The following ITGA2 variants were observed in gnomAD, a reference collection of about 807,000 sequenced individuals.
ITGA2 encodes integrin subunit alpha 2.
ITGA2 carries 101 observed loss-of-function variants against 146.3 expected under a neutral mutation model. The observed-to-expected ratio is 0.69, with a 90% CI of 0.59 to 0.81. The LOEUF (loss-of-function observed/expected upper bound fraction) is 0.81, where lower values mean the gene tolerates loss of function less well. ITGA2 is among the 40% of genes least tolerant of loss of function. ITGA2 has a pLI of 0.00. For synonymous variants in ITGA2, 477 were observed against 487.1 expected, an observed-to-expected ratio of 0.98 and a Z score of 0.27; for missense variants, 1,281 against 1,402.7, an observed-to-expected ratio of 0.91 and a Z score of 1.39.
At chr5:53,050,892 C>T (rs1392664448) in intron 6 of ITGA2, among the ~76,000 whole-genome samples, 1 of 152,160 alleles carries the variant, frequency 6.6e-6, no homozygotes, top group Non-Finnish European at 1.5e-5. Context: ...AAATTCAGCA[C>T]AATAAATAGA....
intron 1 of ITGA2, among the ~76,000 whole-genome samples, chr5:52,997,892 G>A (rs1382823623): frequency 6.6e-6 from 1 of 152,140 alleles, no homozygotes; most frequent in East Asian, 1.9e-4. Context: ...TATGGTGGAA[G>A]AGGGGAAGGA....
intron 9 of ITGA2, among the ~76,000 whole-genome samples, chr5:53,057,114 G>A (rs540984760): frequency 1.3e-5 from 2 of 151,978 alleles, no homozygotes; most frequent in South Asian, 4.1e-4. Flanking sequence ...AAATCACTAG[G>A]CTATCCACAC....
intron 1 of ITGA2, among the ~76,000 whole-genome samples, chr5:53,016,148 A>G (rs1579801897): frequency 6.6e-6 from 1 of 152,174 alleles, no homozygotes; most frequent in East Asian, 1.9e-4. Flanking sequence ...ATTGTTATAC[A>G]GACTTGATTG....
chr5:53,041,151 C>T (rs186341542), intron 2 of ITGA2, among the ~76,000 whole-genome samples: 3 of 152,160 alleles, frequency 2.0e-5, no homozygotes, highest in East Asian at 1.9e-4. Flanking sequence ...AATATGCTTC[C>T]GTATTAATTG....
Position 53,065,930 on chromosome 5 carries a change from C to T in ITGA2, c.1896C>T (p.Ser632=). 4 of 1,612,064 alleles carry T rather than the reference C, an allele frequency of 2.5e-6. No homozygotes were observed. Among genetic ancestry groups the T allele is most frequent in the Non-Finnish European group, 3.4e-6 (4 of 1,178,736 alleles). ...LDGYGDLNGD[S]ITDVSIGAFG... ...GCTATGGAGATTTAAATGGGGATTC[C>T]ATCACCGATGTGTCTATTGGTGCCT... Residue 632 remains serine (S), a synonymous_variant, in exon 15 of 30, where the codon TCC becomes TCT. Coordinates refer to ENST00000296585, the MANE Select transcript of ITGA2 (RefSeq NM_002203.4).
At chr5:53,049,589 A>G (rs1319993280) in intron 6 of ITGA2, among the ~76,000 whole-genome samples, 2 of 152,160 alleles carry the variant, frequency 1.3e-5, no homozygotes, top group African/African-American at 2.4e-5. Context: ...CAATAATTTT[A>G]TATAGTTCTT....
intron 4 of ITGA2, 62 bp downstream of exon 4, chr5:53,045,154 C>T: frequency 8.5e-7 from 1 of 1,177,062 alleles, no homozygotes; most frequent in East Asian, 2.4e-5. Flanking sequence ...GTAGTGTCTT[C>T]TCACCATCCC....
chr5:53,066,373 G>T (rs1745148040), intron 15 of ITGA2, among the ~76,000 whole-genome samples: 1 of 151,832 alleles, frequency 6.6e-6, no homozygotes. Flanking sequence ...CTATGTGACT[G>T]AATGGTATAT....
chr5:53,057,985 T>G, intron 9 of ITGA2, 40 bp from the exon 10 acceptor site: 1 of 1,463,698 alleles, frequency 6.8e-7, no homozygotes, highest in Non-Finnish European at 9.6e-7. Flanking sequence ...TGATTTAAAA[T>G]TACTGACAGT....
rs1316561926 is a variant in ITGA2 at position 53,093,150 on chromosome 5, A to G, written c.*2551A>G. 2 of 152,204 alleles carry G rather than the reference A, an allele frequency of 1.3e-5. No homozygotes were observed. The allele number at this position is 152,204 out of a possible 1,614,324, so 9.4% of individuals were successfully genotyped here. ...AGTTAGTACTGTATATGTAAATACT[A>G]GCTTTTCAATGTGCTATACAAACAA... On this transcript the variant is annotated 3_prime_UTR_variant, in exon 30 of 30. Transcript: ENST00000296585.
chr5:53,078,886 T>A lies in ITGA2; in HGVS notation c.2928+12T>A, dbSNP rs1413127616. Reference sequence around the variant, plus strand: ...TCTTCTCCCTGAAGGTTGGTAAGCCTGTCATAAGGATGGCAAATCCAGGAG... The same window carrying A: ...TCTTCTCCCTGAAGGTTGGTAAGCCAGTCATAAGGATGGCAAATCCAGGAG... On this transcript the variant is annotated intron_variant, in intron 24 of 29. Transcript: ENST00000296585. 1 of 1,464,952 alleles carries A rather than the reference T, an allele frequency of 6.8e-7. No homozygotes were observed. The highest frequency in any genetic ancestry group is 1.4e-5 in the African/African-American group (1 of 71,854). The allele number at this position is 1,464,952 out of a possible 1,614,324, so 90.7% of individuals were successfully genotyped here.
intron 4 of ITGA2, among the ~76,000 whole-genome samples, chr5:53,046,449 G>T (rs527839867): frequency 6.6e-6 from 1 of 151,950 alleles, no homozygotes; most frequent in East Asian, 2.0e-4. Context: ...AATGAATATT[G>T]CAATGGATCT....
At chr5:53,044,553 C>G (rs1743976834) in intron 3 of ITGA2, among the ~76,000 whole-genome samples, 1 of 151,790 alleles carries the variant, frequency 6.6e-6, no homozygotes, top group South Asian at 2.1e-4. Context: ...TTCCTTTTAA[C>G]ATTCACCCAC....
chr5:53,000,210 T>C (rs745508569), intron 1 of ITGA2, among the ~76,000 whole-genome samples: 6 of 152,208 alleles, frequency 3.9e-5, no homozygotes, highest in Non-Finnish European at 7.4e-5. Context: ...GTATAGTATT[T>C]TTATCACACA....
At chr5:53,090,236 TTTC>T (rs1377749415) in intron 29 of ITGA2, among the ~76,000 whole-genome samples, 174 bp downstream of exon 29, 4 of 152,226 alleles carry the variant, frequency 2.6e-5, no homozygotes, top group Non-Finnish European at 5.9e-5. Context: ...AGTAAGGATT[TTTC>T]TTCTTTTAAA....
intron 23 of ITGA2, among the ~76,000 whole-genome samples, chr5:53,077,390 AT>A (rs947444204): frequency 3.3e-5 from 5 of 152,074 alleles, no homozygotes; most frequent in African/African-American, 9.7e-5. Flanking sequence ...TGTAAAAAAA[AT>A]GATGGGTAGA....
chr5:53,075,353 C>G, intron 23 of ITGA2, 49 bp downstream of exon 23: 1 of 1,484,136 alleles, frequency 6.7e-7, no homozygotes, highest in Non-Finnish European at 9.4e-7. Flanking sequence ...AACTCTAGAT[C>G]AGAAGATTTT....
intron 2 of ITGA2, among the ~76,000 whole-genome samples, chr5:53,033,107 A>C (rs1743311882): frequency 6.6e-6 from 1 of 152,122 alleles, no homozygotes; most frequent in Admixed American, 6.5e-5. Flanking sequence ...ATCTCTACCA[A>C]AACCATAAAA....
chr5:53,080,722 T>C (rs1324649563), intron 25 of ITGA2, 101 bp downstream of exon 25: 2 of 854,116 alleles, frequency 2.3e-6, no homozygotes. Flanking sequence ...GGGAAACAGA[T>C]GGTAACTCCT....
Sources: gnomAD v4.1 joint callset for allele counts (sites outside exome capture counted in the v4.1 genomes callset) on GRCh38, gnomAD v4.1.1 for gene constraint, MANE v1.5 for transcripts, NCBI Gene and HGNC (gene_info 2026-07-23, HGNC 2026-07-21) for gene names.